The following EPG5 variants were observed in gnomAD, a reference collection of about 807,000 sequenced individuals.
The protein encoded by EPG5 is ectopic P-granules 5 autophagy tethering factor.
EPG5 carries 159 observed loss-of-function variants against 302.7 expected under a neutral mutation model. The ratio of observed to expected loss-of-function variants is 0.53; its 90% CI spans 0.46 to 0.60. The LOEUF (loss-of-function observed/expected upper bound fraction) is 0.60, where lower values mean the gene tolerates loss of function less well. EPG5 is among the 20% of genes least tolerant of loss of function. The probability of loss-of-function intolerance (pLI) is 0.00; values close to 1 mark genes in which losing one functional copy is unlikely to be tolerated. For synonymous variants in EPG5, 1,158 were observed against 1,136.8 expected, an observed-to-expected ratio of 1.02 and a Z score of -0.37; for missense variants, 2,896 against 3,092.4, an observed-to-expected ratio of 0.94 and a Z score of 1.51.
Position 45,852,422 on chromosome 18 carries a change from T to C in EPG5, c.*45A>G, listed in dbSNP as rs777142486. 1.3e-6 allele frequency: 2 copies of C among 1,562,458 alleles called. No individual in the cohort carries two copies. The highest frequency in any genetic ancestry group is 3.7e-5 in the Admixed American group (2 of 54,036). On this transcript the variant is annotated 3_prime_UTR_variant, in exon 44 of 44. Coordinates refer to ENST00000282041, the MANE Select transcript of EPG5 (RefSeq NM_020964.3). ...TTACTTGTGCAACAGCAAAGTTAAA[T>C]GTAAACATAAACAGCAATGGGTTTT...
chr18:45,919,481 G>A (rs551744829), intron 16 of EPG5, among the ~76,000 whole-genome samples: 34 of 151,544 alleles, frequency 2.2e-4, no homozygotes, highest in Non-Finnish European at 4.6e-4. Flanking sequence ...AGAGAATCAC[G>A]TCAGACACTG....
intron 28 of EPG5, among the ~76,000 whole-genome samples, chr18:45,888,375 C>A (rs2049264537): frequency 6.6e-6 from 1 of 152,138 alleles, no homozygotes; most frequent in Non-Finnish European, 1.5e-5. Context: ...GCAATCTCAG[C>A]TCACTGCAAC....
chr18:45,865,845 A>G (rs762466499), intron 38 of EPG5, 86 bp from the exon 39 acceptor site: 10 of 1,430,428 alleles, frequency 7.0e-6, no homozygotes, highest in Non-Finnish European at 9.5e-6. Context: ...TGGCACTGCA[A>G]TGAATGCTTG....
At chr18:45,876,498 G>A (rs1404079632) in intron 34 of EPG5, among the ~76,000 whole-genome samples, 156 bp from the exon 35 acceptor site, 2 of 152,128 alleles carry the variant, frequency 1.3e-5, no homozygotes, top group African/African-American at 4.8e-5. Context: ...AACTGCAGGC[G>A]AATTGTAGCT....
intron 14 of EPG5, among the ~76,000 whole-genome samples, chr18:45,925,147 G>C (rs1359986563): frequency 1.2e-4 from 18 of 152,162 alleles, no homozygotes; most frequent in Admixed American, 1.1e-3. Flanking sequence ...GAGGCAATTA[G>C]GAGAAACTAA....
In EPG5 at chr18:45,912,467, G is replaced by T; in HGVS notation, c.3817-11C>A. On this transcript the variant is annotated splice_polypyrimidine_tract_variant and intron_variant, in intron 21 of 43. Transcript: ENST00000282041. ...CTGGGTCTGGGCTTTCTACAAAAAA[G>T]AAAGGGCTTTGAGTAGCCACAAAAT... 1 of 1,587,028 alleles carries T rather than the reference G, an allele frequency of 6.3e-7. No individual in the cohort carries two copies. Among genetic ancestry groups the T allele is most frequent in the Non-Finnish European group, 8.5e-7 (1 of 1,171,324 alleles).
chr18:45,916,966 A>T (rs1334747516), intron 17 of EPG5, among the ~76,000 whole-genome samples: 1 of 152,226 alleles, frequency 6.6e-6, no homozygotes, highest in Non-Finnish European at 1.5e-5. Flanking sequence ...AAGGGGTTGA[A>T]GGGTTAGGTG....
chr18:45,958,021 T>G (rs1024409586), intron 1 of EPG5, among the ~76,000 whole-genome samples: 1 of 152,220 alleles, frequency 6.6e-6, no homozygotes, highest in Non-Finnish European at 1.5e-5. Context: ...AGGGTCAGTA[T>G]GGCAGAGGCC....
chr18:45,912,481 T>G, intron 21 of EPG5, 25 bp from the exon 22 acceptor site: 1 of 1,579,114 alleles, frequency 6.3e-7, no homozygotes, highest in East Asian at 2.3e-5. Flanking sequence ...GGGCTTTGAG[T>G]AGCCACAAAA....
rs978682607 is a variant in EPG5 at position 45,949,663 on chromosome 18, T to C, written c.1390-72A>G. 28 of 974,370 alleles carry C rather than the reference T, an allele frequency of 2.9e-5. No individual in the cohort carries two copies. In the Admixed American group the frequency reaches 6.1e-4, roughly 21 times the overall value. 60.4% of individuals were successfully genotyped at this position (974,370 alleles called of 1,614,324 possible). ...TAATTTATCTAGGGGTCTAGTAAAG[T>C]CATTTATCCAGTGCTTCAATACATG... On this transcript the variant is annotated intron_variant, in intron 4 of 43. Coordinates refer to ENST00000282041, the MANE Select transcript of EPG5 (RefSeq NM_020964.3).
chr18:45,922,884 T>C (rs1034959167), intron 15 of EPG5, among the ~76,000 whole-genome samples: 1 of 152,236 alleles, frequency 6.6e-6, no homozygotes, highest in Admixed American at 6.5e-5. Context: ...AGTTTAACCA[T>C]CAGGACGGAG....
Position 45,913,960 on chromosome 18 carries a change from T to G in EPG5, c.3694-132A>C, listed in dbSNP as rs2049970267. 5 of 1,111,498 alleles carry G rather than the reference T, an allele frequency of 4.5e-6. No homozygotes were observed. The East Asian group carries it at 1.2e-4, about 27-fold the overall frequency. The allele number at this position is 1,111,498 out of a possible 1,614,324, so 68.9% of individuals were successfully genotyped here. On this transcript the variant is annotated intron_variant, in intron 20 of 43. Coordinates refer to ENST00000282041, the MANE Select transcript of EPG5 (RefSeq NM_020964.3). ...AGCAAATATTTGCAGTTTCTAAAATTAACACCTTTTTATACCTACCTATAT... is the reference window on the plus strand; with the variant it reads ...AGCAAATATTTGCAGTTTCTAAAATGAACACCTTTTTATACCTACCTATAT...
intron 24 of EPG5, 68 bp downstream of exon 24, chr18:45,907,890 A>C: frequency 7.1e-7 from 1 of 1,417,322 alleles, no homozygotes; most frequent in Admixed American, 2.5e-5. Flanking sequence ...TATTATGAAT[A>C]TGACCAGTTC....
chr18:45,836,377 C>G, the EPG5 span, among the ~76,000 whole-genome samples: 1 of 152,192 alleles, frequency 6.6e-6, no homozygotes, highest in South Asian at 2.1e-4. Context: ...ATTATTTCCT[C>G]TAAAGATCCT....
At chr18:45,902,320 T>C (rs2049638397) in intron 25 of EPG5, among the ~76,000 whole-genome samples, 1 of 152,190 alleles carries the variant, frequency 6.6e-6, no homozygotes, top group African/African-American at 2.4e-5. Flanking sequence ...AACTACTCTT[T>C]GCACAGATGT....
chr18:45,943,840 G>GA (rs2050726630), intron 8 of EPG5, among the ~76,000 whole-genome samples, 165 bp downstream of exon 8: 1 of 151,912 alleles, frequency 6.6e-6, no homozygotes, highest in South Asian at 2.1e-4. Flanking sequence ...AGAATGGCGT[G>GA]AACCTGGGAG....
intron 30 of EPG5, among the ~76,000 whole-genome samples, chr18:45,884,250 T>C (rs1185101569): frequency 6.6e-6 from 1 of 152,184 alleles, no homozygotes; most frequent in Non-Finnish European, 1.5e-5. Context: ...CGAACCCTAT[T>C]GTGACCTGTG....
chr18:45,841,407 G>A, the EPG5 span, among the ~76,000 whole-genome samples: 1 of 152,150 alleles, frequency 6.6e-6, no homozygotes, highest in African/African-American at 2.4e-5. Context: ...GTGGACGGGA[G>A]GAAGGCAGGA....
At chr18:45,953,774 G>A in intron 2 of EPG5, 2 of 985,292 alleles carry the variant, frequency 2.0e-6, no homozygotes, top group Non-Finnish European at 2.4e-6. Context: ...GCATCATCCT[G>A]GAGCTAGGAA....
Sources: gnomAD v4.1 joint callset for allele counts (sites outside exome capture counted in the v4.1 genomes callset) on GRCh38, gnomAD v4.1.1 for gene constraint, MANE v1.5 for transcripts, NCBI Gene and HGNC (gene_info 2026-07-23, HGNC 2026-07-21) for gene names.